ELAC2: variants seen among roughly 807,000 people sequenced by gnomAD.
The protein encoded by ELAC2 is elaC ribonuclease Z 2, also known as zinc phosphodiesterase ELAC protein 2.
A neutral mutation model predicts 105.2 loss-of-function variants in ELAC2; 92 were observed. The ratio of observed to expected loss-of-function variants is 0.87; its 90% confidence interval spans 0.74 to 1.04. The LOEUF is 1.04. Ranked by LOEUF, ELAC2 falls within the 50% of genes least tolerant of loss-of-function variation. The pLI, the probability that ELAC2 is intolerant of heterozygous loss-of-function variation, is 0.00. For missense variants in ELAC2, 1,099 were observed against 1,071.7 expected (o/e 1.03, Z -0.36); for synonymous variants, 468 against 409.1 (o/e 1.14, Z -1.74).
Position 12,996,695 on chromosome 17 carries a change from A to G in ELAC2, c.1521-10T>C, listed in dbSNP as rs1315687153. ...CAGAGACGTGTCGGGGCTGCAGAAG[A>G]GAAGAGGAAGAGAGTCACTGCCACT... On this transcript the variant is annotated splice_polypyrimidine_tract_variant and intron_variant, in intron 16 of 23. Transcript: ENST00000338034. 1.9e-6 allele frequency: 3 copies of G among 1,612,140 alleles called. No individual in the cohort carries two copies. Among genetic ancestry groups the G allele is most frequent in the Non-Finnish European group, 2.5e-6 (3 of 1,179,522 alleles).
Position 12,995,759 on chromosome 17 carries a change from G to C in ELAC2, c.1752C>G (p.Leu584=). 6.2e-7 allele frequency: 1 copy of C among 1,613,110 alleles called. No individual in the cohort carries two copies. Among genetic ancestry groups the C allele is most frequent in the Non-Finnish European group, 8.5e-7 (1 of 1,179,616 alleles). ...HPLLVVAPNQ[L]KAWLQQYHNQ... The stretch of plus-strand genomic sequence containing the variant: ...TGTGGTACTGCTGGAGCCAGGCTTT[G>C]AGCTGGTTGGGGGCAACCACCAGCA... The change falls in exon 19 of 24, where the codon CTC becomes CTG. Residue 584 remains leucine (L), a synonymous_variant. Coordinates refer to ENST00000338034, the MANE Select transcript of ELAC2 (RefSeq NM_018127.7).
In ELAC2 at chr17:13,002,402, C is replaced by T. The variant is rs376904733; in HGVS notation, c.1218+39G>A. 1.3e-4 allele frequency: 212 copies of T among 1,613,904 alleles called. 1 individual carries two copies. Among genetic ancestry groups the T allele is most frequent in the African/African-American group, 1.6e-4 (12 of 74,884 alleles). On this transcript the variant is annotated intron_variant, in intron 13 of 23. Transcript: ENST00000338034. ...CATTCATGGAGAGAAAGAGAGGGGACGAGAGCTGGGCCGACAAGGGGCCGG... is the reference window on the plus strand; with the variant it reads ...CATTCATGGAGAGAAAGAGAGGGGATGAGAGCTGGGCCGACAAGGGGCCGG...
At chr17:13,006,284 C>T (rs796730387) in intron 8 of ELAC2, 18 of 386,310 alleles carry the variant, frequency 4.7e-5, no homozygotes, top group African/African-American at 2.5e-4. Flanking sequence ...GCAGGAGAAT[C>T]GCTTGAACCC....
intron 8 of ELAC2, 54 bp downstream of exon 8, chr17:13,010,559 A>G: frequency 6.6e-7 from 1 of 1,525,680 alleles, no homozygotes; most frequent in Non-Finnish European, 9.1e-7. Flanking sequence ...TGCAAACCAG[A>G]GGTCGCTGAC....
chr17:12,995,779 C>G lies in ELAC2; in HGVS notation c.1732G>C (p.Val578Leu), dbSNP rs552703145. The G allele has an allele frequency of 6.2e-7, 1 of 1,612,832 alleles. No individual in the cohort carries two copies. The highest frequency in any genetic ancestry group is 1.7e-5 in the Admixed American group (1 of 59,890). Residue 578 changes from valine (V) to leucine (L), a missense_variant, in exon 19 of 24, where the codon GTG becomes CTG. By Grantham distance (32) the Val-to-Leu change is conservative. Coordinates refer to ENST00000338034, the MANE Select transcript of ELAC2 (RefSeq NM_018127.7). ...GCTTTGAGCTGGTTGGGGGCAACCA[C>G]CAGCAAAGGGTGAAGCGGCTTTCCC... ...SLGKPLHPLL[V>L]VAPNQLKAWL...
chr17:12,991,860 C>CT lies in ELAC2; in HGVS notation c.*957dup, dbSNP rs201710258. 3.8e-3 allele frequency among the ~76,000 whole-genome samples: 555 copies of CT among 145,022 alleles called. 3 individuals carry two copies. The highest frequency in any genetic ancestry group is 0.013 in the African/African-American group (534 of 40,692). Reference sequence around the variant, plus strand: ...ATACTAGATTCAACTTACTTACTTACTTACTTACTTTACTTACTTACTTCC... The same window carrying CT: ...ATACTAGATTCAACTTACTTACTTACTTTACTTACTTTACTTACTTACTTCC... On this transcript the variant is annotated 3_prime_UTR_variant, in exon 24 of 24. Transcript: ENST00000338034.
rs748788377 is a variant in ELAC2, at chr17:13,017,093, GA to G, written c.273del (p.Gln92ArgfsTer9). 8.7e-6 allele frequency: 14 copies of G among 1,613,800 alleles called. No homozygotes were observed. The highest frequency in any genetic ancestry group is 1.2e-5 in the Non-Finnish European group (14 of 1,179,992). On this transcript the variant is annotated frameshift_variant, in exon 2 of 24. Coordinates refer to ENST00000338034, the MANE Select transcript of ELAC2 (RefSeq NM_018127.7). LOFTEE classifies it high-confidence loss of function. Reference sequence around the variant, plus strand: ...CACTTGTGCTCCTGCATGAGTCTCTGAACGCCTTCTCCACAGTTGAAGAGAT... The same window carrying G: ...CACTTGTGCTCCTGCATGAGTCTCTGACGCCTTCTCCACAGTTGAAGAGAT... ...NRYLFNCGEG[V>X]QRLMQEHKLK...
At chr17:13,007,707 G>A (rs1024934558) in intron 8 of ELAC2, among the ~76,000 whole-genome samples, 23 of 151,996 alleles carry the variant, frequency 1.5e-4, no homozygotes, top group East Asian at 7.7e-4. Context: ...GTGAAACCCC[G>A]TCTCTACTAA....
chr17:13,017,221 A>G (rs1048175061), intron 1 of ELAC2, 100 bp from the exon 2 acceptor site: 37 of 1,241,680 alleles, frequency 3.0e-5, no homozygotes, highest in African/African-American at 4.5e-5. Flanking sequence ...AAAAAAAAAA[A>G]GAAAAAAAAA....
chr17:13,008,946 G>A (rs532504788), intron 8 of ELAC2, among the ~76,000 whole-genome samples: 18 of 152,184 alleles, frequency 1.2e-4, no homozygotes, highest in Non-Finnish European at 1.6e-4. Context: ...GCAACTGCCC[G>A]AGTGTGTAAA....
chr17:13,017,848 T>C lies in ELAC2; in HGVS notation c.100A>G (p.Lys34Glu), dbSNP rs763435632. Residue 34 changes from lysine (K) to glutamate (E), a missense_variant, in exon 1 of 24, where the codon AAG becomes GAG. Physicochemically the swap from Lys to Glu is moderately conservative, Grantham distance 56. Transcript: ENST00000338034. ...QAPARRERPR[K>E]DPLRHLRTRE... ...GTGCGCAGGTGCCGCAGCGGGTCCT[T>C]GCGCGGCCGCTCGCGGCGGGCGGGT... 6.4e-7 allele frequency: 1 copy of C among 1,573,622 alleles called. No individual in the cohort carries two copies. Among genetic ancestry groups the C allele is most frequent in the Non-Finnish European group, 8.6e-7 (1 of 1,161,556 alleles).
chr17:13,011,681 C>G lies in ELAC2; in HGVS notation c.661G>C (p.Glu221Gln), dbSNP rs1398046731. 1.9e-6 allele frequency: 3 copies of G among 1,614,066 alleles called. No individual in the cohort carries two copies. Among genetic ancestry groups the G allele is most frequent in the South Asian group, 1.1e-5 (1 of 91,090 alleles). ...RSSDSESNEN[E>Q]PHLPHGVSQR... The stretch of plus-strand genomic sequence containing the variant: ...CTATTACCATGTGGAAGGTGTGGCT[C>G]ATTTTCATTCGACTCGGAGTCTGAA... Residue 221 changes from glutamate (E) to glutamine (Q), a missense_variant, in exon 7 of 24, where the codon GAG (glutamate) becomes CAG (glutamine). Transcript: ENST00000338034.
intron 14 of ELAC2, 136 bp downstream of exon 14, chr17:13,002,138 C>A: frequency 1.1e-6 from 1 of 941,146 alleles, no homozygotes; most frequent in South Asian, 1.4e-5. Flanking sequence ...TTCTTTTGTG[C>A]TCAAAGCGGA....
At chr17:13,005,871 T>G (rs746279358) in intron 9 of ELAC2, 46 bp from the exon 10 acceptor site, 99 of 1,613,960 alleles carry the variant, frequency 6.1e-5, no homozygotes, top group Non-Finnish European at 8.2e-5. Context: ...TTTCCTTAAG[T>G]GGACAGGTGT....
chr17:13,009,238 AACT>A (rs201319303), intron 8 of ELAC2, among the ~76,000 whole-genome samples: 4 of 149,560 alleles, frequency 2.7e-5, no homozygotes, highest in African/African-American at 4.8e-5. Flanking sequence ...CACTAATATT[AACT>A]ACTTACTTTC....
At position 12,992,923 on chromosome 17, in the gene ELAC2, C is replaced by T. The variant is rs180717697; in HGVS notation, c.2376G>A (p.Ala792=). The change falls in exon 24 of 24, where the codon GCG becomes GCA. Residue 792 remains alanine, a synonymous_variant. Transcript: ENST00000338034. ...REKRELRQVR[A]ALLSRELAGG... is the part of the protein sequence containing the mutation. ...CTGCCAGCTCCCTGGACAGGAGGGC[C>T]GCCCGCACCTGCCGCAGCTCCCGCT... 748 of 1,611,408 alleles carry T rather than the reference C, an allele frequency of 4.6e-4. No individual in the cohort carries two copies. Among genetic ancestry groups the T allele is most frequent in the Admixed American group, 5.7e-4 (34 of 60,026 alleles).
chr17:13,004,124 T>C (rs889242641), intron 11 of ELAC2: 1 of 163,842 alleles, frequency 6.1e-6, no homozygotes, highest in African/African-American at 2.4e-5. Context: ...ATATACACAG[T>C]AGCTATTTTT....
At chr17:13,000,109 G>A (rs910841714) in intron 15 of ELAC2, 47 bp downstream of exon 15, 7 of 1,563,506 alleles carry the variant, frequency 4.5e-6, no homozygotes, top group African/African-American at 4.1e-5. Flanking sequence ...AACAGCAGCA[G>A]GGGCAGAGCC....
intron 8 of ELAC2, among the ~76,000 whole-genome samples, chr17:13,008,239 T>C (rs533984577): frequency 6.6e-6 from 1 of 151,226 alleles, no homozygotes; most frequent in African/African-American, 2.4e-5. Flanking sequence ...AGGCTGGTCA[T>C]GATGGCTCAC....
Sources: gnomAD v4.1 joint callset for allele counts (sites outside exome capture counted in the v4.1 genomes callset) on GRCh38, gnomAD v4.1.1 for gene constraint, MANE v1.5 for transcripts, NCBI Gene and HGNC (gene_info 2026-07-23, HGNC 2026-07-21) for gene names.